Variants in COL12A1 observed in about 807,000 individuals in gnomAD.
COL12A1 encodes the protein collagen type XII alpha 1 chain, also known as collagen alpha-1(XII) chain.
In COL12A1, 114 loss-of-function variants were observed where a neutral mutation model predicts 349.7. The ratio of observed to expected loss-of-function variants is 0.33; its 90% CI spans 0.28 to 0.38. The LOEUF (loss-of-function observed/expected upper bound fraction) is 0.38. Among genes scored for constraint, COL12A1 ranks in the 10% least tolerant of loss-of-function variants. The probability of loss-of-function intolerance (pLI) is 1.00; values close to 1 mark genes in which losing one functional copy is unlikely to be tolerated. For missense variants in COL12A1, 3,284 were observed against 3,756.9 expected, an observed-to-expected ratio of 0.87 and a Z score of 3.29; for synonymous variants, 1,369 against 1,329.0, an observed-to-expected ratio of 1.03 and a Z score of -0.66.
At chr6:75,198,097 G>T (rs941604268) in intron 2 of COL12A1, among the ~76,000 whole-genome samples, 2 of 152,098 alleles carry the variant, frequency 1.3e-5, no homozygotes, top group Non-Finnish European at 2.9e-5. Flanking sequence ...TGGATTACAT[G>T]GTCTGACTAC....
intron 27 of COL12A1, 87 bp from the exon 28 acceptor site, chr6:75,139,048 T>C: frequency 1.4e-6 from 2 of 1,464,860 alleles, no homozygotes; most frequent in Non-Finnish European, 1.9e-6. Context: ...TTGTTTTATA[T>C]TAATGGACAT....
intron 34 of COL12A1, among the ~76,000 whole-genome samples, chr6:75,132,647 T>A (rs893154263): frequency 6.6e-6 from 1 of 152,216 alleles, no homozygotes. Flanking sequence ...CCAATTAAAT[T>A]GATGTACTAA....
chr6:75,091,010 A>G (rs1025988328), intron 62 of COL12A1, among the ~76,000 whole-genome samples: 15 of 152,170 alleles, frequency 9.9e-5, no homozygotes, highest in African/African-American at 3.6e-4. Context: ...CACTGATCAA[A>G]TTCATCTTGG....
At position 75,188,497 on chromosome 6, in the gene COL12A1, C is replaced by G. The variant is rs1769749949; in HGVS notation, c.862G>C (p.Ala288Pro). 1 of 1,613,332 alleles carries G rather than the reference C, an allele frequency of 6.2e-7. No homozygotes were observed. Among genetic ancestry groups the G allele is most frequent in the East Asian group, 2.2e-5 (1 of 44,866 alleles). Residue 288 changes from alanine to proline, a missense_variant, in exon 8 of 66, where the codon GCC (alanine) becomes CCC (proline). By Grantham distance (27) the Ala-to-Pro change is conservative (BLOSUM62 -1). Around this residue, in one of 2 missense-constraint regions of COL12A1, gnomAD observed 2,601 missense variants for 2,824.8 expected, o/e 0.92. Coordinates refer to ENST00000322507, the MANE Select transcript of COL12A1 (RefSeq NM_004370.6). ...ACATGGTTCAGTGAAGGTGTGGAGG[C>G]AATTTGTTTGAGTTCTTTTGCATCT... Reference protein sequence around the residue: ...AADAKELKQIASTPSLNHVFN... With the variant: ...AADAKELKQIPSTPSLNHVFN...
In COL12A1 at chr6:75,121,335, T is replaced by C; in HGVS notation, c.7053A>G (p.Gly2351=). 1.2e-6 allele frequency: 2 copies of C among 1,611,498 alleles called. No individual in the cohort carries two copies. The highest frequency in any genetic ancestry group is 1.7e-6 in the Non-Finnish European group (2 of 1,178,288). The change falls in exon 44 of 66, where the codon GGA becomes GGG. Residue 2351 remains glycine (G), a synonymous_variant. Coordinates refer to ENST00000322507, the MANE Select transcript of COL12A1 (RefSeq NM_004370.6). ...KVVKFIFNTV[G]GFDEISPAGI... is the part of the protein sequence containing the mutation. ...CAGCAGGACTGATTTCATCAAAGCCTCCCACAGTATTGAAGATGAATTTTA... is the reference window on the plus strand; with the variant it reads ...CAGCAGGACTGATTTCATCAAAGCCCCCCACAGTATTGAAGATGAATTTTA...
intron 37 of COL12A1, 109 bp downstream of exon 37, chr6:75,129,982 G>T: frequency 7.9e-7 from 1 of 1,264,130 alleles, no homozygotes; most frequent in Non-Finnish European, 1.1e-6. Flanking sequence ...CCTAAAGTGT[G>T]ACTATCAAGG....
At chr6:75,124,884 T>C (rs1765935666) in intron 40 of COL12A1, among the ~76,000 whole-genome samples, 1 of 152,180 alleles carries the variant, frequency 6.6e-6, no homozygotes, top group Non-Finnish European at 1.5e-5. Flanking sequence ...ATTTTTATCT[T>C]TTAAAATTCA....
chr6:75,178,016 TA>T, intron 11 of COL12A1, 81 bp from the exon 12 acceptor site: 2 of 1,250,284 alleles, frequency 1.6e-6, no homozygotes, highest in Non-Finnish European at 1.1e-6. Context: ...ACCTTTTTAT[TA>T]CTAAATTATA....
At chr6:75,111,780 A>C (rs1220741804) in intron 51 of COL12A1, among the ~76,000 whole-genome samples, 6 of 151,580 alleles carry the variant, frequency 4.0e-5, no homozygotes, top group African/African-American at 1.5e-4. Flanking sequence ...TAAACCTTTA[A>C]GTAGATATAC....
chr6:75,135,408 ACT>A (rs903868758), intron 31 of COL12A1, among the ~76,000 whole-genome samples: 1 of 152,098 alleles, frequency 6.6e-6, no homozygotes, highest in Non-Finnish European at 1.5e-5. Context: ...GCCAGGCCAC[ACT>A]CAATCAGGGG....
chr6:75,144,630 G>T (rs1259530941), intron 25 of COL12A1, among the ~76,000 whole-genome samples: 2 of 152,060 alleles, frequency 1.3e-5, no homozygotes, highest in Non-Finnish European at 2.9e-5. Context: ...CACGCTTCAA[G>T]AAAAAAGCAC....
chr6:75,129,736 A>T (rs976198094), intron 37 of COL12A1, among the ~76,000 whole-genome samples: 4 of 152,248 alleles, frequency 2.6e-5, no homozygotes, highest in African/African-American at 7.2e-5. Context: ...GGATAAATAC[A>T]TTATTTGAAT....
intron 47 of COL12A1, among the ~76,000 whole-genome samples, chr6:75,117,032 A>G (rs1464999248): frequency 6.6e-6 from 1 of 152,148 alleles, no homozygotes; most frequent in Admixed American, 6.5e-5. Context: ...ACAAATACCA[A>G]TTGATTACTA....
chr6:75,147,921 T>G, intron 22 of COL12A1, 117 bp from the exon 23 acceptor site: 1 of 1,087,066 alleles, frequency 9.2e-7, no homozygotes, highest in Non-Finnish European at 1.3e-6. Context: ...AATTAGGCCA[T>G]TGTCTTTTGT....
intron 35 of COL12A1, among the ~76,000 whole-genome samples, chr6:75,131,628 G>C (rs1462858650): frequency 6.6e-6 from 1 of 152,074 alleles, no homozygotes; most frequent in African/African-American, 2.4e-5. Flanking sequence ...AGATAGATTG[G>C]GCAATTTGTA....
chr6:75,205,499 C>T (rs115160067), intron 1 of COL12A1, among the ~76,000 whole-genome samples: 63 of 152,098 alleles, frequency 4.1e-4, no homozygotes, highest in African/African-American at 1.4e-3. Flanking sequence ...AGATGAAACT[C>T]CTCTAGAAAC....
Position 75,126,685 on chromosome 6 carries a change from A to G in COL12A1, c.6341-215T>C, listed in dbSNP as rs547613649. ...AGCAACTCAAATAGACTCAAGAACTAGTGATTTCCAGAGCAGCCTTCTCAG... is the reference window on the plus strand; with the variant it reads ...AGCAACTCAAATAGACTCAAGAACTGGTGATTTCCAGAGCAGCCTTCTCAG... On this transcript the variant is annotated intron_variant, in intron 38 of 65. Transcript: ENST00000322507. 2.8e-4 allele frequency among the ~76,000 whole-genome samples: 42 copies of G among 152,278 alleles called. No individual in the cohort carries two copies. In the South Asian group the frequency reaches 8.7e-3, roughly 32 times the overall value.
In COL12A1 at chr6:75,130,954, C is replaced by T. The variant is rs1270514012; in HGVS notation, c.5965G>A (p.Val1989Met). 2 of 1,614,130 alleles carry T rather than the reference C, an allele frequency of 1.2e-6. No homozygotes were observed. Among genetic ancestry groups the T allele is most frequent in the Non-Finnish European group, 1.7e-6 (2 of 1,180,002 alleles). Residue 1989 changes from valine (V) to methionine (M), a missense_variant, in exon 36 of 66, where the codon GTG becomes ATG. Coordinates refer to ENST00000322507, the MANE Select transcript of COL12A1 (RefSeq NM_004370.6). The part of the protein sequence containing the change: ...SIVVPGNTRM[V>M]HLERLIPDTL... ...TCCGGAATCAGCCGCTCCAGATGCA[C>T]CATGCGCGTGTTTCCTGGCACTACT...
chr6:75,186,503 C>T (rs973677131), intron 8 of COL12A1, among the ~76,000 whole-genome samples: 1 of 152,158 alleles, frequency 6.6e-6, no homozygotes, highest in Non-Finnish European at 1.5e-5. Context: ...AAAAGGAATG[C>T]TTATATACTG....
Sources: gnomAD v4.1 joint callset for allele counts (sites outside exome capture counted in the v4.1 genomes callset) on GRCh38, gnomAD v4.1.1 for gene constraint, gnomAD v4.1.1 regional missense constraint, MANE v1.5 for transcripts, NCBI Gene and HGNC (gene_info 2026-07-23, HGNC 2026-07-21) for gene names.